The following NKAIN3 variants were observed in gnomAD, a reference collection of about 807,000 sequenced individuals.
NKAIN3 encodes sodium/potassium-transporting ATPase subunit beta-1-interacting protein 3.
A neutral mutation model predicts 30.2 loss-of-function variants in NKAIN3; 25 were observed. The observed-to-expected ratio is 0.83, with a 90% confidence interval of 0.60 to 1.16. The LOEUF is 1.16. NKAIN3 is among the 50% of genes most tolerant of loss of function. NKAIN3 has a pLI of 0.00. For synonymous variants in NKAIN3, 91 were observed against 89.6 expected (o/e 1.02, Z -0.09); for missense variants, 225 against 254.1 (o/e 0.89, Z 0.78).
intron 1 of NKAIN3, among the ~76,000 whole-genome samples, chr8:62,347,280 G>T (rs1434790660): frequency 6.6e-6 from 1 of 152,096 alleles, no homozygotes; most frequent in Non-Finnish European, 1.5e-5. Flanking sequence ...ACAATGTATT[G>T]GTGGTTGTGG....
chr8:62,662,406 C>T (rs187817650), intron 3 of NKAIN3, among the ~76,000 whole-genome samples: 15 of 152,316 alleles, frequency 9.8e-5, no homozygotes, highest in African/African-American at 3.1e-4. Flanking sequence ...TGAAAGTGCA[C>T]GTCTCCTAGA....
intron 4 of NKAIN3, chr8:62,864,029 T>C: frequency 1.4e-6 from 1 of 710,588 alleles, no homozygotes; most frequent in Non-Finnish European, 2.6e-6. Flanking sequence ...TGTTTCTCTC[T>C]TTTCGGCCTC....
chr8:62,585,345 G>A (rs1810435226), intron 2 of NKAIN3, among the ~76,000 whole-genome samples: 1 of 151,986 alleles, frequency 6.6e-6, no homozygotes, highest in African/African-American at 2.4e-5. Flanking sequence ...CACTATTAAG[G>A]TACAATTTAC....
Position 62,816,060 on chromosome 8 carries a change from A to G in NKAIN3, c.471+68931A>G, listed in dbSNP as rs188274354. Among the ~76,000 whole-genome samples the G allele has an allele frequency of 1.3e-3, 200 of 152,178 alleles. 1 individual carries two copies. Among genetic ancestry groups the G allele is most frequent in the Admixed American group, 3.5e-3 (54 of 15,266 alleles). On this transcript the variant is annotated intron_variant, in intron 4 of 6. Transcript: ENST00000623646. ...TTTCCTTTTCTATTACTGAAGAGTT[A>G]TTGTGTTCCTTTGAGAGTGTCATGT...
At chr8:62,285,479 G>T (rs1299951588) in intron 1 of NKAIN3, among the ~76,000 whole-genome samples, 2 of 152,172 alleles carry the variant, frequency 1.3e-5, no homozygotes, top group East Asian at 3.9e-4. Flanking sequence ...GGCTAGAGCA[G>T]ATTATGTGGA....
intron 4 of NKAIN3, among the ~76,000 whole-genome samples, chr8:62,748,215 G>A (rs1489640562): frequency 2.6e-5 from 4 of 152,106 alleles, no homozygotes; most frequent in African/African-American, 9.7e-5. Context: ...ATATTGGCTA[G>A]GGTCACTGAT....
chr8:62,846,732 G>T (rs755345611), intron 4 of NKAIN3, among the ~76,000 whole-genome samples: 1 of 151,968 alleles, frequency 6.6e-6, no homozygotes, highest in Non-Finnish European at 1.5e-5. Context: ...GTCTATCCTT[G>T]GTAGGCATTG....
At chr8:62,297,455 T>A (rs1475291165) in intron 1 of NKAIN3, among the ~76,000 whole-genome samples, 1 of 151,784 alleles carries the variant, frequency 6.6e-6, no homozygotes, top group Non-Finnish European at 1.5e-5. Flanking sequence ...GAATCTACAA[T>A]GAACTCAAAC....
chr8:62,389,957 C>T (rs1817541624), intron 1 of NKAIN3, among the ~76,000 whole-genome samples: 1 of 152,088 alleles, frequency 6.6e-6, no homozygotes, highest in Non-Finnish European at 1.5e-5. Context: ...GCCTTTATAG[C>T]CTCTTCAGGG....
intron 1 of NKAIN3, among the ~76,000 whole-genome samples, chr8:62,368,123 T>C (rs931892842): frequency 2.0e-5 from 3 of 152,084 alleles, no homozygotes; most frequent in African/African-American, 4.8e-5. Flanking sequence ...AGAATTAATA[T>C]TTTTTAAATG....
At chr8:62,650,353 C>G (rs1287818295) in intron 3 of NKAIN3, among the ~76,000 whole-genome samples, 1 of 152,152 alleles carries the variant, frequency 6.6e-6, no homozygotes, top group Non-Finnish European at 1.5e-5. Flanking sequence ...TATAGTCACT[C>G]TTTGCTCCAA....
At chr8:62,923,759 G>A in intron 5 of NKAIN3, among the ~76,000 whole-genome samples, 1 of 152,146 alleles carries the variant, frequency 6.6e-6, no homozygotes, top group East Asian at 1.9e-4. Flanking sequence ...TCAAAGAGTG[G>A]GGACCAGCAG....
chr8:62,743,059 C>T (rs1815956265), intron 3 of NKAIN3, among the ~76,000 whole-genome samples: 1 of 152,156 alleles, frequency 6.6e-6, no homozygotes, highest in African/African-American at 2.4e-5. Context: ...TCCAACAGGT[C>T]CCTTCCACCA....
intron 4 of NKAIN3, among the ~76,000 whole-genome samples, chr8:62,804,139 A>G (rs1381089766): frequency 6.6e-6 from 1 of 152,208 alleles, no homozygotes; most frequent in Non-Finnish European, 1.5e-5. Flanking sequence ...CCAACCAAAA[A>G]GAGTCCAGGA....
At chr8:62,662,271 C>T (rs1177748683) in intron 3 of NKAIN3, among the ~76,000 whole-genome samples, 1 of 152,194 alleles carries the variant, frequency 6.6e-6, no homozygotes, top group Non-Finnish European at 1.5e-5. Context: ...CTGGCTCTCA[C>T]CAGACTGTCC....
chr8:62,625,344 T>C (rs1456564573), intron 3 of NKAIN3, among the ~76,000 whole-genome samples: 1 of 152,108 alleles, frequency 6.6e-6, no homozygotes, highest in South Asian at 2.1e-4. Flanking sequence ...ATTATCTACA[T>C]GTAACAGATA....
chr8:62,253,092 A>T (rs915857186), intron 1 of NKAIN3, among the ~76,000 whole-genome samples: 15 of 152,166 alleles, frequency 9.9e-5, no homozygotes, highest in Admixed American at 9.8e-4. Context: ...TCGTCTCAGG[A>T]TGTTATTATT....
intron 1 of NKAIN3, among the ~76,000 whole-genome samples, chr8:62,439,072 A>G (rs960806343): frequency 7.2e-5 from 11 of 152,204 alleles, no homozygotes; most frequent in African/African-American, 2.7e-4. Context: ...TCCTAGGCCA[A>G]GCTAAAGATG....
chr8:62,526,354 A>G (rs1231326400), intron 1 of NKAIN3, among the ~76,000 whole-genome samples: 1 of 152,118 alleles, frequency 6.6e-6, no homozygotes, highest in African/African-American at 2.4e-5. Flanking sequence ...ATCTCCCAAA[A>G]TGGAGTCCCC....
Sources: gnomAD v4.1 joint callset for allele counts (sites outside exome capture counted in the v4.1 genomes callset) on GRCh38, gnomAD v4.1.1 for gene constraint, MANE v1.5 for transcripts, NCBI Gene and HGNC (gene_info 2026-07-23, HGNC 2026-07-21) for gene names.